DNM3: variants seen among roughly 807,000 people sequenced by gnomAD.
The protein encoded by DNM3 is dynamin-3.
A neutral mutation model predicts 101.6 loss-of-function variants in DNM3; 47 were observed. That is an observed-to-expected ratio of 0.46 (90% CI 0.37 to 0.59). The LOEUF (loss-of-function observed/expected upper bound fraction) is 0.59, where lower values mean the gene tolerates loss of function less well. Among genes scored for constraint, DNM3 ranks in the 20% least tolerant of loss-of-function variants. The pLI is 0.00. For missense variants in DNM3, 849 were observed against 1,085.7 expected (o/e 0.78, Z 3.06); for synonymous variants, 385 against 387.9 (o/e 0.99, Z 0.09).
chr1:171,847,857 G>A (rs924547112), intron 1 of DNM3, among the ~76,000 whole-genome samples: 55 of 150,464 alleles, frequency 3.7e-4, no homozygotes, highest in African/African-American at 1.3e-3. Flanking sequence ...AAATTAGAGG[G>A]TTCATTAATA....
intron 17 of DNM3, among the ~76,000 whole-genome samples, chr1:172,341,735 A>AG (rs1408733259): frequency 1.3e-5 from 2 of 151,634 alleles, no homozygotes; most frequent in African/African-American, 4.8e-5. Flanking sequence ...TTAACTCAAG[A>AG]TGGATTAAAG....
intron 13 of DNM3, among the ~76,000 whole-genome samples, chr1:172,120,233 C>T (rs1029860659): frequency 5.9e-5 from 9 of 152,278 alleles, no homozygotes; most frequent in Non-Finnish European, 8.8e-5. Flanking sequence ...TTCAAAGTCA[C>T]ATGGTGGCAG....
chr1:172,259,638 A>C (rs553843788), intron 15 of DNM3, among the ~76,000 whole-genome samples: 3 of 152,164 alleles, frequency 2.0e-5, no homozygotes, highest in African/African-American at 7.2e-5. Flanking sequence ...ATATGTCTTT[A>C]TAGGTGAGAA....
chr1:171,888,936 G>A (rs1980488), intron 1 of DNM3, among the ~76,000 whole-genome samples: 113,785 of 152,116 alleles, frequency 0.75, 43,245 homozygotes, highest in African/African-American at 0.9. Context: ...AGGATGGTAC[G>A]TAAGAAGAAA....
At chr1:172,053,250 T>G (rs993032705) in intron 10 of DNM3, among the ~76,000 whole-genome samples, 2 of 152,158 alleles carry the variant, frequency 1.3e-5, no homozygotes, top group African/African-American at 4.8e-5. Context: ...AGATTTTTCC[T>G]TCTTTTGACA....
At chr1:171,971,982 A>G (rs1290663251) in intron 2 of DNM3, among the ~76,000 whole-genome samples, 1 of 152,202 alleles carries the variant, frequency 6.6e-6, no homozygotes, top group Non-Finnish European at 1.5e-5. Flanking sequence ...GAACGAGGAA[A>G]AGAACACTGG....
chr1:172,013,495 C>G (rs1481110302), intron 4 of DNM3, among the ~76,000 whole-genome samples: 1 of 152,020 alleles, frequency 6.6e-6, no homozygotes, highest in South Asian at 2.1e-4. Flanking sequence ...ATATGTAGTT[C>G]CTGTTTTTGA....
chr1:172,096,934 T>C (rs1050998573), intron 13 of DNM3, among the ~76,000 whole-genome samples: 1 of 152,118 alleles, frequency 6.6e-6, no homozygotes, highest in African/African-American at 2.4e-5. Flanking sequence ...TGGTTGCAGG[T>C]AGTATTTAGC....
At chr1:171,956,478 C>T (rs922277567) in intron 2 of DNM3, among the ~76,000 whole-genome samples, 10 of 152,272 alleles carry the variant, frequency 6.6e-5, no homozygotes, top group African/African-American at 2.4e-4. Context: ...GCTCCCATGG[C>T]CTTGGGTAGC....
intron 14 of DNM3, among the ~76,000 whole-genome samples, chr1:172,242,186 G>A (rs1380663095): frequency 6.6e-6 from 1 of 152,110 alleles, no homozygotes; most frequent in African/African-American, 2.4e-5. Context: ...TTCCTGGTAG[G>A]GACAGGGAAG....
chr1:171,988,293 T>G (rs112501339), intron 3 of DNM3, among the ~76,000 whole-genome samples: 1 of 152,182 alleles, frequency 6.6e-6, no homozygotes, highest in South Asian at 2.1e-4. Flanking sequence ...GCTGACTAAA[T>G]TTTTAGTGGG....
chr1:171,887,657 A>G (rs934226443), intron 1 of DNM3, among the ~76,000 whole-genome samples: 3 of 152,132 alleles, frequency 2.0e-5, no homozygotes, highest in African/African-American at 7.2e-5. Flanking sequence ...ACTGGATAAA[A>G]TTCTTTCACG....
chr1:172,106,844 A>ATTATTT (rs1289662689), intron 13 of DNM3, among the ~76,000 whole-genome samples: 2 of 51,058 alleles, frequency 3.9e-5, no homozygotes, highest in East Asian at 4.4e-4. Context: ...AGGTAACATT[A>ATTATTT]TTCTTTTTTT....
At chr1:172,244,549 T>C (rs904454820) in intron 14 of DNM3, among the ~76,000 whole-genome samples, 3 of 151,798 alleles carry the variant, frequency 2.0e-5, no homozygotes, top group Non-Finnish European at 2.9e-5. Context: ...GCAAAGGACA[T>C]GAACAGACAC....
chr1:171,938,902 C>T (rs2041630825), intron 2 of DNM3, among the ~76,000 whole-genome samples: 1 of 152,124 alleles, frequency 6.6e-6, no homozygotes, highest in Admixed American at 6.6e-5. Flanking sequence ...TGTGTTTTTT[C>T]AGGTCACTGT....
intron 14 of DNM3, among the ~76,000 whole-genome samples, chr1:172,185,692 T>C (rs1349920334): frequency 6.6e-6 from 1 of 152,166 alleles, no homozygotes; most frequent in Non-Finnish European, 1.5e-5. Flanking sequence ...TTTGTGAAGT[T>C]CTATTGTAAA....
intron 14 of DNM3, among the ~76,000 whole-genome samples, chr1:172,190,518 G>T (rs1057063383): frequency 6.6e-6 from 1 of 152,048 alleles, no homozygotes; most frequent in African/African-American, 2.4e-5. Flanking sequence ...AATCTTTTGG[G>T]TATATGCCCA....
chr1:172,261,583 G>A (rs543242765), intron 15 of DNM3, among the ~76,000 whole-genome samples: 2 of 152,342 alleles, frequency 1.3e-5, no homozygotes, highest in South Asian at 4.1e-4. Context: ...CTCAGATGCT[G>A]CTAATGGCAT....
rs1402309699 is a variant in DNM3 at position 172,409,337 on chromosome 1, T to C, written c.*1496T>C. 19 of 985,132 alleles carry C rather than the reference T, an allele frequency of 1.9e-5. No homozygotes were observed. The highest frequency in any genetic ancestry group is 2.3e-5 in the Non-Finnish European group (19 of 829,782). 61.0% of individuals were successfully genotyped at this position (985,132 alleles called of 1,614,324 possible). A position where few individuals can be genotyped will look rare whatever the true frequency, so the allele number is the denominator to read the frequency against. On this transcript the variant is annotated 3_prime_UTR_variant, in exon 21 of 21. Coordinates refer to ENST00000627582, the MANE Select transcript of DNM3 (RefSeq NM_015569.5). ...GTTAACTTAACTTTAATTTCCTGTG[T>C]AGTTTACACCCAGAGCAGATACTCA... is the stretch of plus-strand genomic sequence containing the variant.
Sources: allele counts gnomAD v4.1 joint callset (sites outside exome capture counted in the v4.1 genomes callset), GRCh38; gene constraint gnomAD v4.1.1; transcripts MANE v1.5; gene names NCBI Gene and HGNC (gene_info 2026-07-23, HGNC 2026-07-21).